Variants in PRP4K observed in about 807,000 individuals in gnomAD.
PRP4K encodes the protein serine/threonine-protein kinase PRP4 homolog.
At chr6:4,030,302 T>A in the PRP4K span, among the ~76,000 whole-genome samples, 5 of 152,176 alleles carry the variant, frequency 3.3e-5, no homozygotes, top group Admixed American at 6.5e-5. Context: ...GAGTTTTTTT[T>A]AAATGTTAAA....
the PRP4K span, among the ~76,000 whole-genome samples, chr6:4,044,863 A>ATTTT: frequency 0.028 from 3,689 of 132,242 alleles, 135 homozygotes; most frequent in African/African-American, 0.089. Flanking sequence ...TATTATTATT[A>ATTTT]TTTTTTTTTT....
the PRP4K span, among the ~76,000 whole-genome samples, chr6:4,023,847 A>G: frequency 6.6e-6 from 1 of 151,074 alleles, no homozygotes; most frequent in Admixed American, 6.6e-5. Context: ...CTGGGACCAC[A>G]GGCATATGAC....
At chr6:4,062,691 G>T in the PRP4K span, 1 of 152,428 alleles carries the variant, frequency 6.6e-6, no homozygotes, top group Non-Finnish European at 1.5e-5. The surrounding 1 kb of genome is among the most constrained non-coding windows in gnomAD (Gnocchi z 4.2). Flanking sequence ...GGTGATAGAT[G>T]ATATAATAAG....
the PRP4K span, among the ~76,000 whole-genome samples, chr6:4,029,995 T>G: frequency 6.6e-6 from 1 of 151,086 alleles, no homozygotes; most frequent in East Asian, 1.9e-4. Flanking sequence ...CAGGCTGGAG[T>G]GCAATGGCGC....
At chr6:4,039,170 T>C in the PRP4K span, among the ~76,000 whole-genome samples, 2 of 152,222 alleles carry the variant, frequency 1.3e-5, no homozygotes, top group Non-Finnish European at 2.9e-5. Flanking sequence ...CCTTCATTGC[T>C]GCCTATTCTG....
the PRP4K span, chr6:4,056,752 C>T: frequency 1.2e-5 from 18 of 1,465,674 alleles, no homozygotes; most frequent in African/African-American, 8.4e-5. Context: ...TTGGTTGAGG[C>T]TGATTAGCAC....
the PRP4K span, among the ~76,000 whole-genome samples, chr6:4,047,490 A>G: frequency 1.3e-5 from 2 of 152,188 alleles, no homozygotes. Context: ...CAAATGATAA[A>G]CATGTCATTT....
At chr6:4,040,231 C>CT in the PRP4K span, among the ~76,000 whole-genome samples, 1 of 151,390 alleles carries the variant, frequency 6.6e-6, no homozygotes, top group African/African-American at 2.4e-5. Flanking sequence ...AGTGAGGTTT[C>CT]TTTAAGTTGA....
chr6:4,051,767 A>G, the PRP4K span, among the ~76,000 whole-genome samples: 3 of 152,200 alleles, frequency 2.0e-5, no homozygotes, highest in Non-Finnish European at 2.9e-5. Context: ...ATGATAGTTG[A>G]CTAACTATAA....
chr6:4,031,349 A>G, the PRP4K span, among the ~76,000 whole-genome samples: 1 of 152,218 alleles, frequency 6.6e-6, no homozygotes, highest in African/African-American at 2.4e-5. Flanking sequence ...TTCAACCATT[A>G]GAAACACAAT....
chr6:4,032,297 T>A, the PRP4K span: 1 of 1,613,324 alleles, frequency 6.2e-7, no homozygotes, highest in Non-Finnish European at 8.5e-7. Flanking sequence ...CTCCTACTGA[T>A]GATAAGGTTA....
the PRP4K span, among the ~76,000 whole-genome samples, chr6:4,029,360 T>A: frequency 8.2e-5 from 9 of 109,210 alleles, no homozygotes; most frequent in Non-Finnish European, 1.6e-4. Flanking sequence ...TTTTTTTTTT[T>A]AAAGACAGGG....
the PRP4K span, among the ~76,000 whole-genome samples, chr6:4,022,317 A>G: frequency 6.7e-6 from 1 of 148,976 alleles, no homozygotes; most frequent in Non-Finnish European, 1.5e-5. Context: ...AAAAAAAAAA[A>G]TACGAGTGTA....
At chr6:4,048,378 CA>C in the PRP4K span, among the ~76,000 whole-genome samples, 53,983 of 98,762 alleles carry the variant, frequency 0.55, 12,482 homozygotes, top group Middle Eastern at 0.64. Flanking sequence ...GACTCCGTCT[CA>C]AAAAAAAAAA....
chr6:4,052,084 G>A, the PRP4K span: 2 of 1,588,404 alleles, frequency 1.3e-6, no homozygotes, highest in Non-Finnish European at 1.7e-6. Context: ...TCTGGTATTC[G>A]AGCCTCTCAG....
the PRP4K span, among the ~76,000 whole-genome samples, chr6:4,043,627 C>T: frequency 2.6e-5 from 4 of 152,080 alleles, no homozygotes; most frequent in Admixed American, 6.6e-5. Context: ...AAAACTTTTT[C>T]AGATTTTTGT....
chr6:4,049,060 G>A, the PRP4K span: 1 of 1,612,732 alleles, frequency 6.2e-7, no homozygotes, highest in Non-Finnish European at 8.5e-7. Flanking sequence ...ATTTCAAAGA[G>A]AATCCCAACC....
At chr6:4,026,475 T>C in the PRP4K span, among the ~76,000 whole-genome samples, 2 of 151,922 alleles carry the variant, frequency 1.3e-5, no homozygotes, top group African/African-American at 2.4e-5. Context: ...GCTAGTTTTT[T>C]GTATTTTTGT....
chr6:4,046,660 C>CT, the PRP4K span, among the ~76,000 whole-genome samples: 7,578 of 141,816 alleles, frequency 0.053, 626 homozygotes, highest in African/African-American at 0.17. Flanking sequence ...GGTCTTTCAA[C>CT]TTTTTTTTTT....
Sources: gnomAD v4.1 joint callset for allele counts (sites outside exome capture counted in the v4.1 genomes callset) on GRCh38, gnomAD v4.1.1 for gene constraint, Gnocchi (gnomAD v3.1) non-coding constraint, MANE v1.5 for transcripts, NCBI Gene and HGNC (gene_info 2026-07-23, HGNC 2026-07-21) for gene names.